Variants in HS3ST4 observed in about 807,000 individuals in gnomAD.
HS3ST4 encodes heparan sulfate glucosamine 3-O-sulfotransferase 4.
In HS3ST4, 17 loss-of-function variants were observed where a neutral mutation model predicts 29.2. That is an observed-to-expected ratio of 0.58 (90% CI 0.40 to 0.87). The LOEUF is 0.87. HS3ST4 is among the 40% of genes least tolerant of loss of function. HS3ST4 has a pLI of 0.00. For missense variants in HS3ST4, 627 were observed against 634.5 expected (o/e 0.99, Z 0.13); for synonymous variants, 314 against 285.7 (o/e 1.10, Z -1.00).
intron 1 of HS3ST4, among the ~76,000 whole-genome samples, chr16:25,814,122 G>T (rs1429368339): frequency 4.6e-5 from 7 of 152,204 alleles, no homozygotes; most frequent in Non-Finnish European, 1.0e-4. Context: ...CTCTGCGGGT[G>T]ATGGAACTCT....
At chr16:26,007,485 G>A (rs1006251194) in intron 1 of HS3ST4, among the ~76,000 whole-genome samples, 4 of 152,172 alleles carry the variant, frequency 2.6e-5, no homozygotes, top group Non-Finnish European at 4.4e-5. Context: ...GAATGTTAAC[G>A]TCTGCATTTC....
At chr16:25,956,532 C>T (rs991751069) in intron 1 of HS3ST4, among the ~76,000 whole-genome samples, 3 of 152,152 alleles carry the variant, frequency 2.0e-5, no homozygotes, top group Non-Finnish European at 4.4e-5. Context: ...CTCCTATTTC[C>T]AGTGATATGA....
At chr16:25,732,623 G>A (rs1392493968) in intron 1 of HS3ST4, among the ~76,000 whole-genome samples, 1 of 152,180 alleles carries the variant, frequency 6.6e-6, no homozygotes, top group African/African-American at 2.4e-5. Flanking sequence ...AAAAAAAGGA[G>A]TATCAAATAA....
At chr16:26,000,647 G>A (rs781337431) in intron 1 of HS3ST4, among the ~76,000 whole-genome samples, 1 of 152,174 alleles carries the variant, frequency 6.6e-6, no homozygotes. Flanking sequence ...TATTGGACAG[G>A]TAAACAGCTT....
At chr16:26,064,673 A>C (rs1388719434) in intron 1 of HS3ST4, among the ~76,000 whole-genome samples, 1 of 144,290 alleles carries the variant, frequency 6.9e-6, no homozygotes, top group Non-Finnish European at 1.5e-5. Flanking sequence ...GCTGAAGTGC[A>C]ATGGCGTGAT....
intron 1 of HS3ST4, among the ~76,000 whole-genome samples, chr16:25,936,320 A>G (rs562231375): frequency 6.6e-6 from 1 of 152,318 alleles, no homozygotes; most frequent in African/African-American, 2.4e-5. Flanking sequence ...TATGCAGATG[A>G]TACAAGGCTG....
rs560221478 is a variant in HS3ST4, at chr16:25,924,277, A to G, written c.735-211335A>G. The stretch of plus-strand genomic sequence containing the variant: ...TACCCCTTAAATATCTCTTTAATCT[A>G]TTAGCTTTTCTGAATATCTACTGAT... On this transcript the variant is annotated intron_variant, in intron 1 of 1. Transcript: ENST00000331351. Among the ~76,000 whole-genome samples, 286 of 152,284 alleles carry G rather than the reference A, an allele frequency of 1.9e-3. 1 individual carries two copies. The highest frequency in any genetic ancestry group is 6.7e-3 in the African/African-American group (280 of 41,550).
At chr16:26,009,123 AC>A (rs778625436) in intron 1 of HS3ST4, among the ~76,000 whole-genome samples, 6 of 151,742 alleles carry the variant, frequency 4.0e-5, no homozygotes, top group Non-Finnish European at 4.4e-5. Context: ...CCTTCCCCAA[AC>A]CCTTTGCTTA....
chr16:25,999,309 G>T (rs1234840893), intron 1 of HS3ST4, among the ~76,000 whole-genome samples: 2 of 152,092 alleles, frequency 1.3e-5, no homozygotes, highest in Non-Finnish European at 2.9e-5. Context: ...AATGACTTGA[G>T]AATGGGGTGG....
At chr16:25,933,963 G>T (rs543073883) in intron 1 of HS3ST4, among the ~76,000 whole-genome samples, 77 of 152,346 alleles carry the variant, frequency 5.1e-4, no homozygotes, top group African/African-American at 1.9e-3. Context: ...GTGAACATGA[G>T]ATTTGGAGAG....
At chr16:26,011,675 T>TG in intron 1 of HS3ST4, among the ~76,000 whole-genome samples, 1 of 128,686 alleles carries the variant, frequency 7.8e-6, no homozygotes, top group Non-Finnish European at 1.6e-5. Context: ...CAGGTATATG[T>TG]TTGTGTGTGT....
At chr16:25,833,937 A>G (rs1388412119) in intron 1 of HS3ST4, among the ~76,000 whole-genome samples, 2 of 152,214 alleles carry the variant, frequency 1.3e-5, no homozygotes, top group Admixed American at 1.3e-4. Flanking sequence ...ACCCATTCAT[A>G]ACAAACTTGG....
chr16:25,737,713 T>G (rs1966619429), intron 1 of HS3ST4, among the ~76,000 whole-genome samples: 3 of 152,192 alleles, frequency 2.0e-5, no homozygotes, highest in African/African-American at 7.2e-5. Context: ...AACACAACTG[T>G]ACTTGTACCC....
At chr16:26,104,292 C>A (rs1264228219) in intron 1 of HS3ST4, among the ~76,000 whole-genome samples, 1 of 152,172 alleles carries the variant, frequency 6.6e-6, no homozygotes, top group East Asian at 1.9e-4. Flanking sequence ...TCAATTTATT[C>A]CAGTTTCTAC....
intron 1 of HS3ST4, among the ~76,000 whole-genome samples, chr16:25,849,321 T>A (rs1042666277): frequency 6.6e-6 from 1 of 152,162 alleles, no homozygotes; most frequent in South Asian, 2.1e-4. Context: ...CATGAACATA[T>A]CTGTGTCTAA....
At chr16:25,945,211 G>T (rs774438622) in intron 1 of HS3ST4, among the ~76,000 whole-genome samples, 1 of 152,052 alleles carries the variant, frequency 6.6e-6, no homozygotes, top group Non-Finnish European at 1.5e-5. Flanking sequence ...TGTGCATATT[G>T]TATATTATTG....
intron 1 of HS3ST4, among the ~76,000 whole-genome samples, chr16:25,869,811 T>C (rs1347286776): frequency 6.6e-6 from 1 of 152,248 alleles, no homozygotes; most frequent in African/African-American, 2.4e-5. Context: ...GACTCTGTGC[T>C]AGGGCATTTA....
chr16:25,786,812 C>A, intron 1 of HS3ST4, among the ~76,000 whole-genome samples: 1 of 152,086 alleles, frequency 6.6e-6, no homozygotes, highest in East Asian at 1.9e-4. Context: ...TAAAAAAAAA[C>A]CCTATAATTT....
chr16:25,948,587 G>A (rs1968653156), intron 1 of HS3ST4, among the ~76,000 whole-genome samples: 1 of 152,034 alleles, frequency 6.6e-6, no homozygotes, highest in Admixed American at 6.6e-5. Flanking sequence ...TCACAATATT[G>A]CCCAGTCTGT....
Sources: allele counts gnomAD v4.1 joint callset (sites outside exome capture counted in the v4.1 genomes callset), GRCh38; gene constraint gnomAD v4.1.1; transcripts MANE v1.5; gene names NCBI Gene and HGNC (gene_info 2026-07-23, HGNC 2026-07-21).